Variants in USP30 observed in about 807,000 individuals in gnomAD.
USP30 encodes ubiquitin carboxyl-terminal hydrolase 30.
A neutral mutation model predicts 68.2 loss-of-function variants in USP30; 41 were observed. The observed-to-expected ratio is 0.60, with a 90% confidence interval of 0.47 to 0.78. The LOEUF is 0.78. Among genes scored for constraint, USP30 ranks in the 30% least tolerant of loss-of-function variants. The probability of loss-of-function intolerance (pLI) is 0.00; values close to 1 mark genes in which losing one functional copy is unlikely to be tolerated. For synonymous variants in USP30, 229 were observed against 253.7 expected (o/e 0.90, Z 0.93); for missense variants, 522 against 649.4 (o/e 0.80, Z 2.13).
chr12:109,056,918 G>C, intron 2 of USP30, 127 bp downstream of exon 2: 1 of 571,558 alleles, frequency 1.7e-6, no homozygotes, highest in Non-Finnish European at 2.9e-6. Flanking sequence ...TAGGATTTCA[G>C]GTTTTCAAAC....
intron 8 of USP30, 93 bp from the exon 9 acceptor site, chr12:109,081,840 A>T: frequency 2.3e-6 from 3 of 1,291,082 alleles, no homozygotes; most frequent in Non-Finnish European, 3.4e-6. Flanking sequence ...GCATACATCA[A>T]AATAAAGCTC....
At chr12:109,055,408 T>A (rs1252224005) in intron 1 of USP30, among the ~76,000 whole-genome samples, 25 of 38,242 alleles carry the variant, frequency 6.5e-4, no homozygotes, top group African/African-American at 1.3e-3. Context: ...ATATTTTTTT[T>A]TTTTTTTTTT....
rs1366132266 is a variant in USP30, at chr12:109,085,928, ATGAC to A, written c.1554_*3del. ...AGAGCCAGGAGTGCAAGTCTGAAGA[ATGAC>A]TGTGCCCTCCTGCAAGGCTAGAGCT... On this transcript the variant is annotated stop_lost and 3_prime_UTR_variant, in exon 13 of 13. Coordinates refer to ENST00000257548, the MANE Select transcript of USP30 (RefSeq NM_032663.5). 1.2e-6 allele frequency: 2 copies of A among 1,612,936 alleles called. No individual in the cohort carries two copies. Among genetic ancestry groups the A allele is most frequent in the Non-Finnish European group, 1.7e-6 (2 of 1,179,202 alleles).
chr12:109,033,120 CA>C lies in USP30; in HGVS notation c.-136+5570del, dbSNP rs971798442. Among the ~76,000 whole-genome samples, 354 of 152,140 alleles carry C rather than the reference CA, an allele frequency of 2.3e-3. 1 individual carries two copies. Among genetic ancestry groups the C allele is most frequent in the African/African-American group, 7.5e-3 (310 of 41,536 alleles). ...AAAAAGAAGCCCATGGACTTAAATT[CA>C]AAAAATGGATTTGTCTTTTTTTCTT... On this transcript the variant is annotated intron_variant, in intron 3 of 15. Transcript: ENST00000392784.
At position 109,084,999 on chromosome 12, in the gene USP30, C is replaced by T. The variant is rs1454187026; in HGVS notation, c.1215C>T (p.Gly405=). The stretch of plus-strand genomic sequence containing the variant: ...CCAAAACACAGATTTTTATGAATGG[C>T]GCCTGCTCCCCATCTTTATTGCCAA... ...GAPKTQIFMN[G]ACSPSLLPTL... Residue 405 remains glycine, a synonymous_variant, in exon 12 of 13, where the codon GGC becomes GGT. Transcript: ENST00000257548. The T allele has an allele frequency of 1.1e-5, 17 of 1,605,576 alleles. No homozygotes were observed. The highest frequency in any genetic ancestry group is 2.3e-5 in the East Asian group (1 of 44,426).
At chr12:109,082,405 G>A (rs2041830196) in intron 9 of USP30, 2 of 550,884 alleles carry the variant, frequency 3.6e-6, no homozygotes, top group African/African-American at 1.9e-5. Context: ...TGAAGACAGA[G>A]AACAATTAAT....
At chr12:109,034,343 G>T (rs1257080126) in intron 3 of USP30, among the ~76,000 whole-genome samples, 1 of 152,062 alleles carries the variant, frequency 6.6e-6, no homozygotes, top group Non-Finnish European at 1.5e-5. Flanking sequence ...TATTTTATAT[G>T]ATTTCAATTC....
intron 3 of USP30, among the ~76,000 whole-genome samples, chr12:109,062,600 T>C (rs573820117): frequency 1.3e-3 from 193 of 152,330 alleles, no homozygotes; most frequent in African/African-American, 4.3e-3. Flanking sequence ...AGTGCTGGGA[T>C]TACAGGCTTG....
intron 3 of USP30, among the ~76,000 whole-genome samples, chr12:109,044,144 T>C (rs1172990153): frequency 6.6e-6 from 1 of 152,232 alleles, no homozygotes; most frequent in Non-Finnish European, 1.5e-5. Flanking sequence ...ATTCCACTTA[T>C]GTGAGATACT....
intron 4 of USP30, among the ~76,000 whole-genome samples, chr12:109,071,339 T>C (rs1480271678): frequency 6.6e-6 from 1 of 152,250 alleles, no homozygotes; most frequent in Non-Finnish European, 1.5e-5. Flanking sequence ...AGGTCAAGGC[T>C]GTCTCAGTGA....
At chr12:109,083,429 A>G (rs2041861852) in intron 11 of USP30, among the ~76,000 whole-genome samples, 1 of 152,030 alleles carries the variant, frequency 6.6e-6, no homozygotes, top group South Asian at 2.1e-4. Context: ...AAATGTAGGG[A>G]GGACATGTCC....
At chr12:109,038,461 C>G (rs2040538386) in intron 3 of USP30, among the ~76,000 whole-genome samples, 1 of 152,062 alleles carries the variant, frequency 6.6e-6, no homozygotes. Context: ...CACACATTTT[C>G]CTTTTAAGCT....
At chr12:109,030,311 G>A (rs761219730) in intron 3 of USP30, among the ~76,000 whole-genome samples, 2 of 152,136 alleles carry the variant, frequency 1.3e-5, no homozygotes, top group Admixed American at 6.5e-5. Context: ...CAGGTCTATT[G>A]TGTGGATTAA....
intron 3 of USP30, among the ~76,000 whole-genome samples, chr12:109,037,220 T>C (rs1388183852): frequency 6.6e-6 from 1 of 152,214 alleles, no homozygotes; most frequent in Admixed American, 6.5e-5. Flanking sequence ...AGTGAATTTT[T>C]CATTTCAGTT....
chr12:109,027,632 G>A (rs1310672792), intron 3 of USP30: 2 of 152,106 alleles, frequency 1.3e-5, no homozygotes, highest in Non-Finnish European at 2.9e-5. Flanking sequence ...TGATAAGAGT[G>A]GAATCATACA....
intron 3 of USP30, among the ~76,000 whole-genome samples, chr12:109,042,635 C>T (rs78082461): frequency 0.014 from 2,069 of 152,204 alleles, 24 homozygotes; most frequent in Middle Eastern, 0.048. Context: ...AACAATGTTA[C>T]AGAACATTAT....
At chr12:109,064,179 G>A (rs554209713) in intron 3 of USP30, among the ~76,000 whole-genome samples, 1 of 152,018 alleles carries the variant, frequency 6.6e-6, no homozygotes, top group Non-Finnish European at 1.5e-5. Flanking sequence ...GCATTGTTTG[G>A]TTTTTTGTTG....
chr12:109,037,705 G>A (rs2040531742), intron 3 of USP30, among the ~76,000 whole-genome samples: 1 of 152,194 alleles, frequency 6.6e-6, no homozygotes, highest in Non-Finnish European at 1.5e-5. Flanking sequence ...TAATTGGATA[G>A]AGATTTCCTT....
In USP30 at chr12:109,082,103, T is replaced by G. The variant is rs1014908396; in HGVS notation, c.867+84T>G. The stretch of plus-strand genomic sequence containing the variant: ...TCTCACACCAGTGACCCTGAGCTCT[T>G]CTGACTGTATCCAGTGGGTCTTTTC... On this transcript the variant is annotated intron_variant, in intron 9 of 12. Coordinates refer to ENST00000257548, the MANE Select transcript of USP30 (RefSeq NM_032663.5). The G allele has an allele frequency of 3.5e-6, 5 of 1,421,694 alleles. No individual in the cohort carries two copies. The African/African-American group carries it at 7.0e-5, about 20-fold the overall frequency. The allele number at this position is 1,421,694 out of a possible 1,614,324, so 88.1% of individuals were successfully genotyped here. A position where few individuals can be genotyped will look rare whatever the true frequency, so the allele number is the denominator to read the frequency against.
Sources: allele counts gnomAD v4.1 joint callset (sites outside exome capture counted in the v4.1 genomes callset), GRCh38; gene constraint gnomAD v4.1.1; transcripts MANE v1.5; gene names NCBI Gene and HGNC (gene_info 2026-07-23, HGNC 2026-07-21).